KIRREL3: variants seen among roughly 807,000 people sequenced by gnomAD.
KIRREL3 encodes the protein kirre like nephrin family adhesion molecule 3.
Under a neutral mutation model 89.7 loss-of-function variants are expected in KIRREL3, and 36 were observed. The ratio of observed to expected loss-of-function variants is 0.40; its 90% confidence interval spans 0.31 to 0.53. KIRREL3 has a LOEUF of 0.53. KIRREL3 is among the 20% of genes least tolerant of loss of function. The pLI, the probability that KIRREL3 is intolerant of heterozygous loss-of-function variation, is 0.49. For missense variants in KIRREL3, 864 were observed against 1,056.6 expected (o/e 0.82, Z 2.53); for synonymous variants, 445 against 441.4 (o/e 1.01, Z -0.10).
intron 1 of KIRREL3, among the ~76,000 whole-genome samples, chr11:126,759,070 A>G (rs567724168): frequency 6.6e-5 from 10 of 152,320 alleles, no homozygotes; most frequent in Middle Eastern, 3.4e-3. Flanking sequence ...ACCCTTCTGC[A>G]TACAGGAAGA....
At chr11:126,779,373 C>T (rs138614037) in intron 1 of KIRREL3, among the ~76,000 whole-genome samples, 12 of 152,294 alleles carry the variant, frequency 7.9e-5, no homozygotes, top group Non-Finnish European at 1.0e-4. Context: ...AGGGCATTCT[C>T]TCTCCCTGAA....
In KIRREL3 at chr11:126,574,377, A is replaced by G. The variant is rs1236672032; in HGVS notation, c.56-11465T>C. On this transcript the variant is annotated intron_variant, in intron 1 of 16. Coordinates refer to ENST00000525144, the MANE Select transcript of KIRREL3 (RefSeq NM_032531.4). The surrounding 1 kb of genome is among the most constrained non-coding windows in gnomAD (Gnocchi z 5.3). ...AATCAAAGCTCTTTTCTTCTCTTTA[A>G]TGATAACCTTTCAGCAGTGAGTGGG... 6.6e-6 allele frequency among the ~76,000 whole-genome samples: 1 copy of G among 152,164 alleles called. No individual in the cohort carries two copies. The highest frequency in any genetic ancestry group is 6.5e-5 in the Admixed American group (1 of 15,274).
In KIRREL3 at chr11:126,755,751, A is replaced by G. The variant is rs1178848710; in HGVS notation, c.56-192839T>C. ...CTGCCAGCTTCAAGCAACTCTTTCC[A>G]TGCCCCTTCTTTGCACTTTTTCCAC... is the stretch of plus-strand genomic sequence containing the variant. On this transcript the variant is annotated intron_variant, in intron 1 of 16. Transcript: ENST00000525144. The surrounding 1 kb of genome is among the most constrained non-coding windows in gnomAD (Gnocchi z 4.3). Among the ~76,000 whole-genome samples the G allele has an allele frequency of 1.3e-5, 2 of 151,630 alleles. No homozygotes were observed. Among genetic ancestry groups the G allele is most frequent in the African/African-American group, 4.8e-5 (2 of 41,244 alleles).
chr11:126,691,411 A>G (rs1048400599), intron 1 of KIRREL3, among the ~76,000 whole-genome samples: 1 of 152,184 alleles, frequency 6.6e-6, no homozygotes, highest in African/African-American at 2.4e-5. Flanking sequence ...GACTGGATCA[A>G]TATATTGTGG....
intron 2 of KIRREL3, among the ~76,000 whole-genome samples, chr11:126,560,716 C>G (rs1940054977): frequency 6.6e-6 from 1 of 152,206 alleles, no homozygotes; most frequent in Admixed American, 6.5e-5. Flanking sequence ...TAATACAGCA[C>G]AAGTAGGTCT....
Position 126,761,269 on chromosome 11 carries a change from C to A in KIRREL3, c.56-198357G>T, listed in dbSNP as rs1253953527. 3.3e-5 allele frequency among the ~76,000 whole-genome samples: 5 copies of A among 152,238 alleles called. No homozygotes were observed. Among genetic ancestry groups the A allele is most frequent in the Non-Finnish European group, 7.3e-5 (5 of 68,034 alleles). On this transcript the variant is annotated intron_variant, in intron 1 of 16. Coordinates refer to ENST00000525144, the MANE Select transcript of KIRREL3 (RefSeq NM_032531.4). The surrounding 1 kb of genome is among the most constrained non-coding windows in gnomAD (Gnocchi z 4.4). ...AGGTGGTCAGGTTGTCAGGCCCCTG[C>A]ACTCTGCCCAGGCAAAGGTATTCAC...
At chr11:126,716,704 G>T (rs1201042632) in intron 1 of KIRREL3, among the ~76,000 whole-genome samples, 1 of 128,334 alleles carries the variant, frequency 7.8e-6, no homozygotes, top group African/African-American at 2.9e-5. Flanking sequence ...ATCAGTCAAA[G>T]AAGGTATTTA....
chr11:126,811,731 C>T lies in KIRREL3; in HGVS notation c.55+188724G>A, dbSNP rs548945554. Among the ~76,000 whole-genome samples, 8 of 152,218 alleles carry T rather than the reference C, an allele frequency of 5.3e-5. No homozygotes were observed. The highest frequency in any genetic ancestry group is 7.4e-5 in the Non-Finnish European group (5 of 68,020). ...CCTCCCAAGTAGCGGGGATTACCGG[C>T]GCCTGCTACCATGCCCAGCTAATTT... On this transcript the variant is annotated intron_variant, in intron 1 of 16. Coordinates refer to ENST00000525144, the MANE Select transcript of KIRREL3 (RefSeq NM_032531.4). This position sits in a 1 kb window ranked among gnomAD's most constrained non-coding sequence, Gnocchi z 4.3.
At chr11:126,698,478 A>T (rs986027445) in intron 1 of KIRREL3, among the ~76,000 whole-genome samples, 1 of 152,226 alleles carries the variant, frequency 6.6e-6, no homozygotes, top group Non-Finnish European at 1.5e-5. Flanking sequence ...TTAGTAGGTC[A>T]GCTCTGGAGA....
chr11:126,882,534 A>AG (rs1310106767), intron 1 of KIRREL3, among the ~76,000 whole-genome samples: 12 of 90,232 alleles, frequency 1.3e-4, no homozygotes, highest in African/African-American at 9.1e-4. Flanking sequence ...TGGTACAAAG[A>AG]GATAGTCTGG....
intron 1 of KIRREL3, among the ~76,000 whole-genome samples, chr11:126,858,417 C>T (rs1456151642): frequency 1.3e-5 from 2 of 152,164 alleles, no homozygotes; most frequent in African/African-American, 4.8e-5. Flanking sequence ...GATGATGTGG[C>T]AGGGTGCATA....
At chr11:126,517,136 AAGAGAGAGAGAGAGAG>A (rs199586143) in intron 4 of KIRREL3, among the ~76,000 whole-genome samples, 19 of 140,904 alleles carry the variant, frequency 1.3e-4, no homozygotes, top group African/African-American at 3.1e-4. Context: ...GAGAGAGAGA[AAGAGAGAGAGAGAGAG>A]AGAGAGAGAG....
At position 127,000,491 on chromosome 11, in the gene KIRREL3, C is replaced by A. The variant is rs770284872; in HGVS notation, c.19G>T (p.Asp7Tyr). The change falls in exon 1 of 17, where the codon GAT (aspartate) becomes TAT (tyrosine). Residue 7 changes from aspartate to tyrosine, a missense_variant. Asp to Tyr is a radical substitution (Grantham distance 160). Coordinates refer to ENST00000525144, the MANE Select transcript of KIRREL3 (RefSeq NM_032531.4). The surrounding 1 kb of genome is among the most constrained non-coding windows in gnomAD (Gnocchi z 7.1). Reference protein sequence around the residue: MKPFQLDLLFVCFFLFS... With the variant: MKPFQLYLLFVCFFLFS... ...AGGAAGAAGCAGACGAAGAGCAGAT[C>A]GAGCTGGAAGGGTTTCATTCCTTAG... 4.4e-6 allele frequency: 7 copies of A among 1,607,950 alleles called. No homozygotes were observed. Among genetic ancestry groups the A allele is most frequent in the East Asian group, 2.2e-5 (1 of 44,582 alleles).
Position 126,771,052 on chromosome 11 carries a change from G to C in KIRREL3, c.56-208140C>G, listed in dbSNP as rs1363625220. Reference sequence around the variant, plus strand: ...AGTTTTGCCATGTTGACCGGGCTGGGATTGAACTCCTGACCTCAGGGTGAT... The same window carrying C: ...AGTTTTGCCATGTTGACCGGGCTGGCATTGAACTCCTGACCTCAGGGTGAT... On this transcript the variant is annotated intron_variant, in intron 1 of 16. Coordinates refer to ENST00000525144, the MANE Select transcript of KIRREL3 (RefSeq NM_032531.4). The surrounding 1 kb of genome is among the most constrained non-coding windows in gnomAD (Gnocchi z 4.4). 2.0e-5 allele frequency among the ~76,000 whole-genome samples: 3 copies of C among 152,110 alleles called. No individual in the cohort carries two copies. Among genetic ancestry groups the C allele is most frequent in the Non-Finnish European group, 4.4e-5 (3 of 68,028 alleles).
Position 126,627,496 on chromosome 11 carries a change from T to G in KIRREL3, c.56-64584A>C, listed in dbSNP as rs1396601579. Among the ~76,000 whole-genome samples the G allele has an allele frequency of 2.6e-5, 4 of 152,236 alleles. No homozygotes were observed. Among genetic ancestry groups the G allele is most frequent in the Admixed American group, 2.6e-4 (4 of 15,280 alleles). Reference sequence around the variant, plus strand: ...CCTGGTGATGGGAACAAGCTTCTCCTTAATTAAGAATGTCATAGCAGCCTC... The same window carrying G: ...CCTGGTGATGGGAACAAGCTTCTCCGTAATTAAGAATGTCATAGCAGCCTC... On this transcript the variant is annotated intron_variant, in intron 1 of 16. Coordinates refer to ENST00000525144, the MANE Select transcript of KIRREL3 (RefSeq NM_032531.4). This position sits in a 1 kb window ranked among gnomAD's most constrained non-coding sequence, Gnocchi z 5.0.
At chr11:126,737,635 C>T (rs187567617) in intron 1 of KIRREL3, among the ~76,000 whole-genome samples, 1 of 152,188 alleles carries the variant, frequency 6.6e-6, no homozygotes, top group African/African-American at 2.4e-5. Flanking sequence ...TACATGCCTG[C>T]CTCTTCCCCA....
intron 1 of KIRREL3, among the ~76,000 whole-genome samples, chr11:126,972,168 TAGAGAGAGAGAGAGAGAG>T (rs61426707): frequency 8.3e-6 from 1 of 119,842 alleles, no homozygotes; most frequent in Non-Finnish European, 1.8e-5. Context: ...GAGGGTCTGG[TAGAGAGAGAGAGAGAGAG>T]AGAGAGAGAG....
intron 1 of KIRREL3, among the ~76,000 whole-genome samples, chr11:126,947,869 G>C (rs1222552019): frequency 6.6e-6 from 1 of 152,192 alleles, no homozygotes; most frequent in Non-Finnish European, 1.5e-5. Context: ...AGTCTAAATA[G>C]GTAGCTCTCA....
In KIRREL3 at chr11:126,677,455, T is replaced by C. The variant is rs1376927190; in HGVS notation, c.56-114543A>G. Among the ~76,000 whole-genome samples the C allele has an allele frequency of 6.6e-6, 1 of 152,214 alleles. No individual in the cohort carries two copies. Among genetic ancestry groups the C allele is most frequent in the Non-Finnish European group, 1.5e-5 (1 of 68,032 alleles). ...GTGCTTTGCTATCTATTATCTCCTC[T>C]AATTCTCACCACCTCTTTGGAAAGC... On this transcript the variant is annotated intron_variant, in intron 1 of 16. Transcript: ENST00000525144. This position sits in a 1 kb window ranked among gnomAD's most constrained non-coding sequence, Gnocchi z 5.1.
Sources: gnomAD v4.1 joint callset for allele counts (sites outside exome capture counted in the v4.1 genomes callset) on GRCh38, gnomAD v4.1.1 for gene constraint, Gnocchi (gnomAD v3.1) non-coding constraint, MANE v1.5 for transcripts, NCBI Gene and HGNC (gene_info 2026-07-23, HGNC 2026-07-21) for gene names.